The following PTPRD variants were observed in gnomAD, a reference collection of about 807,000 sequenced individuals.
PTPRD encodes receptor-type tyrosine-protein phosphatase delta.
PTPRD carries 34 observed loss-of-function variants against 214.5 expected under a neutral mutation model. The ratio of observed to expected loss-of-function variants is 0.16; its 90% CI spans 0.12 to 0.21. PTPRD has a LOEUF of 0.21. PTPRD is among the 10% of genes least tolerant of loss of function. PTPRD has a pLI of 1.00. For missense variants in PTPRD, 2,545 were observed against 2,398.7 expected (o/e 1.06, Z -1.27); for synonymous variants, 1,128 against 845.7 (o/e 1.33, Z -5.79).
chr9:10,510,389 A>G (rs184216695), intron 2 of PTPRD, among the ~76,000 whole-genome samples: 1 of 152,274 alleles, frequency 6.6e-6, no homozygotes, highest in Non-Finnish European at 1.5e-5. Flanking sequence ...CTACTGTCAC[A>G]TATAGAACAG....
chr9:10,480,267 T>C (rs1032079481), intron 2 of PTPRD, among the ~76,000 whole-genome samples: 1 of 152,178 alleles, frequency 6.6e-6, no homozygotes, highest in Non-Finnish European at 1.5e-5. Flanking sequence ...TTCTCAAACA[T>C]GACTTTGAGG....
At chr9:10,296,727 A>T (rs1024859046) in intron 3 of PTPRD, among the ~76,000 whole-genome samples, 11 of 152,078 alleles carry the variant, frequency 7.2e-5, no homozygotes, top group Non-Finnish European at 1.5e-4. Context: ...GGAGTGAGAT[A>T]TAAGTAGCTC....
intron 11 of PTPRD, among the ~76,000 whole-genome samples, chr9:8,779,815 T>G (rs1011878710): frequency 5.0e-5 from 4 of 80,302 alleles, no homozygotes; most frequent in Admixed American, 4.3e-4. Flanking sequence ...GTTTTGTTGG[T>G]TTTTTTTTTT....
chr9:9,988,038 C>T (rs923859028), intron 4 of PTPRD, among the ~76,000 whole-genome samples: 38 of 152,214 alleles, frequency 2.5e-4, no homozygotes, highest in Non-Finnish European at 3.8e-4. Flanking sequence ...AATTTATGCA[C>T]TTGTCTGCTT....
At chr9:8,992,117 G>A (rs2099373022) in intron 11 of PTPRD, among the ~76,000 whole-genome samples, 1 of 152,026 alleles carries the variant, frequency 6.6e-6, no homozygotes, top group Non-Finnish European at 1.5e-5. Flanking sequence ...GGACTCTGAT[G>A]TCTGATGATA....
chr9:10,119,136 G>A (rs1176965362), intron 3 of PTPRD, among the ~76,000 whole-genome samples: 3 of 151,870 alleles, frequency 2.0e-5, no homozygotes, highest in Admixed American at 6.6e-5. Flanking sequence ...TACCTTGTCA[G>A]AAACTAAAGT....
At chr9:8,339,239 G>A (rs1234581336) in intron 42 of PTPRD, among the ~76,000 whole-genome samples, 192 bp from the exon 43 acceptor site, 1 of 152,060 alleles carries the variant, frequency 6.6e-6, no homozygotes, top group East Asian at 1.9e-4. Flanking sequence ...AAACCCTTTG[G>A]TTCAGTATTT....
chr9:9,624,724 T>C (rs923050915), intron 7 of PTPRD, among the ~76,000 whole-genome samples: 2 of 152,104 alleles, frequency 1.3e-5, no homozygotes, highest in African/African-American at 4.8e-5. Context: ...GATTTAATAT[T>C]ATCAAACAGA....
chr9:8,732,957 G>A (rs1005137271), intron 12 of PTPRD, among the ~76,000 whole-genome samples: 1 of 152,180 alleles, frequency 6.6e-6, no homozygotes, highest in African/African-American at 2.4e-5. Flanking sequence ...GCTAACTCAT[G>A]TATGAACTAA....
rs1282009988 is a variant in PTPRD, at chr9:10,138,353, C to G, written c.-544-104563G>C. The stretch of plus-strand genomic sequence containing the variant: ...ATTGAACCATGAAAAAATTAAAAAC[C>G]TAACAGACCAATAACGAGTTCCAAA... On this transcript the variant is annotated intron_variant, in intron 3 of 45. Coordinates refer to ENST00000381196, the MANE Select transcript of PTPRD (RefSeq NM_002839.4). 4.6e-5 allele frequency among the ~76,000 whole-genome samples: 7 copies of G among 151,994 alleles called. No homozygotes were observed. In the East Asian group the frequency reaches 1.2e-3, roughly 25 times the overall value.
chr9:8,615,914 T>C (rs534033078), intron 14 of PTPRD, among the ~76,000 whole-genome samples: 1 of 152,278 alleles, frequency 6.6e-6, no homozygotes, highest in South Asian at 2.1e-4. Flanking sequence ...TGTCAGCTAG[T>C]CTGTGCTACA....
chr9:9,010,002 GAAATGT>G (rs1379062069), intron 11 of PTPRD, among the ~76,000 whole-genome samples: 1 of 152,048 alleles, frequency 6.6e-6, no homozygotes, highest in Non-Finnish European at 1.5e-5. Context: ...TGGAGTTACA[GAAATGT>G]CCTAAACATG....
chr9:10,090,917 T>TACAC (rs747128757), intron 3 of PTPRD, among the ~76,000 whole-genome samples: 1,951 of 52,946 alleles, frequency 0.037, 29 homozygotes, highest in Non-Finnish European at 0.042. Flanking sequence ...ATAAATGAAA[T>TACAC]ATACACACAC....
At chr9:10,592,779 T>A (rs556280802) in intron 2 of PTPRD, among the ~76,000 whole-genome samples, 2 of 151,884 alleles carry the variant, frequency 1.3e-5, no homozygotes, top group African/African-American at 4.8e-5. Context: ...AATGCACCAA[T>A]AAGCAGGAGT....
intron 2 of PTPRD, among the ~76,000 whole-genome samples, chr9:10,499,133 A>C (rs1400591710): frequency 6.6e-6 from 1 of 151,990 alleles, no homozygotes; most frequent in African/African-American, 2.4e-5. Flanking sequence ...TTACCAAAGA[A>C]AATTCAACAA....
chr9:9,513,609 T>TTA (rs1242436275), intron 8 of PTPRD, among the ~76,000 whole-genome samples: 1 of 27,444 alleles, frequency 3.6e-5, no homozygotes, highest in African/African-American at 4.8e-4. Flanking sequence ...AAATAAAAAA[T>TTA]CTCAGTCTCA....
intron 8 of PTPRD, among the ~76,000 whole-genome samples, chr9:9,573,094 A>G (rs1178686643): frequency 1.3e-5 from 2 of 151,866 alleles, no homozygotes; most frequent in Non-Finnish European, 1.5e-5. Context: ...TCTGGAAGCT[A>G]CTTAAGTTAC....
At chr9:9,322,415 G>A (rs1966888204) in intron 9 of PTPRD, among the ~76,000 whole-genome samples, 1 of 152,300 alleles carries the variant, frequency 6.6e-6, no homozygotes, top group Non-Finnish European at 1.5e-5. Context: ...AGTCCAGAGA[G>A]TTTAAATAAC....
chr9:9,593,631 G>C (rs2092989916), intron 7 of PTPRD, among the ~76,000 whole-genome samples: 1 of 151,946 alleles, frequency 6.6e-6, no homozygotes, highest in South Asian at 2.1e-4. Flanking sequence ...AGCACCATGA[G>C]AGCTTAGTGA....
Sources: gnomAD v4.1 joint callset for allele counts (sites outside exome capture counted in the v4.1 genomes callset) on GRCh38, gnomAD v4.1.1 for gene constraint, MANE v1.5 for transcripts, NCBI Gene and HGNC (gene_info 2026-07-23, HGNC 2026-07-21) for gene names.